The following MED12L variants were observed in gnomAD, a reference collection of about 807,000 sequenced individuals.
MED12L encodes mediator of RNA polymerase II transcription subunit 12-like protein.
Under a neutral mutation model 281.3 loss-of-function variants are expected in MED12L, and 60 were observed. The observed-to-expected ratio is 0.21, with a 90% CI of 0.17 to 0.26. The LOEUF is 0.26. Among genes scored for constraint, MED12L ranks in the 10% least tolerant of loss-of-function variants. MED12L has a pLI of 1.00. For synonymous variants in MED12L, 974 were observed against 987.2 expected (o/e 0.99, Z 0.25); for missense variants, 2,146 against 2,680.9 (o/e 0.80, Z 4.41).
In MED12L at chr3:151,365,937, T is replaced by A; in HGVS notation, c.3273T>A (p.Leu1091=). ...AATGGCTGGGGGTTCTGAAGGCTCT[T>A]TGTTGTTCTTCAAATCACGTGTGGG... is the stretch of plus-strand genomic sequence containing the variant. ...SSEWLGVLKA[L]CCSSNHVWGF... The change falls in exon 23 of 45, where the codon CTT becomes CTA. Residue 1091 remains leucine (L), a synonymous_variant. Coordinates refer to ENST00000687756, the MANE Select transcript of MED12L (RefSeq NM_001393769.1). 1 of 1,613,498 alleles carries A rather than the reference T, an allele frequency of 6.2e-7. No homozygotes were observed. The highest frequency in any genetic ancestry group is 8.5e-7 in the Non-Finnish European group (1 of 1,179,562).
intron 5 of MED12L, among the ~76,000 whole-genome samples, chr3:151,155,926 C>CT (rs531032213): frequency 6.6e-5 from 10 of 152,336 alleles, no homozygotes; most frequent in African/African-American, 2.4e-4. Flanking sequence ...CTGCCTGTTT[C>CT]TCCGAGAGCT....
chr3:151,392,012 T>C (rs1302757652), intron 38 of MED12L, among the ~76,000 whole-genome samples: 1 of 148,706 alleles, frequency 6.7e-6, no homozygotes, highest in Non-Finnish European at 1.5e-5. Context: ...AGAAGTTTGT[T>C]TGTAGATGTA....
chr3:151,361,855 G>A (rs377241929), intron 21 of MED12L, among the ~76,000 whole-genome samples: 18 of 152,152 alleles, frequency 1.2e-4, no homozygotes, highest in African/African-American at 2.9e-4. Context: ...CCTGTCATTC[G>A]TTGTATCTTA....
At chr3:151,167,384 T>A (rs982196775) in intron 11 of MED12L, among the ~76,000 whole-genome samples, 1 of 152,218 alleles carries the variant, frequency 6.6e-6, no homozygotes, top group African/African-American at 2.4e-5. Flanking sequence ...ACACCTTCAA[T>A]ACCTTAGTTA....
chr3:151,309,114 T>TACACACACACACACACACACAC (rs1553775101), intron 16 of MED12L, among the ~76,000 whole-genome samples: 18 of 138,064 alleles, frequency 1.3e-4, no homozygotes, highest in African/African-American at 5.6e-4. Context: ...TTTCATGAAA[T>TACACACACACACACACACACAC]ACACGCACAC....
chr3:151,338,217 G>A (rs755439126), intron 16 of MED12L: 10 of 1,613,880 alleles, frequency 6.2e-6, no homozygotes, highest in African/African-American at 1.3e-5. Context: ...TGTAATGAGT[G>A]TATAACATAC....
chr3:151,087,825 T>C (rs1719486023), intron 2 of MED12L, among the ~76,000 whole-genome samples: 1 of 152,198 alleles, frequency 6.6e-6, no homozygotes, highest in African/African-American at 2.4e-5. Context: ...AGTAATTATG[T>C]AACAAGTCTC....
intron 39 of MED12L, among the ~76,000 whole-genome samples, chr3:151,405,709 T>C (rs11717169): frequency 0.29 from 44,670 of 152,022 alleles, 7,492 homozygotes; most frequent in Non-Finnish European, 0.38. Context: ...TTAAAAAATA[T>C]GAAGTTAAAG....
chr3:151,410,371 C>T (rs924426475), intron 40 of MED12L, among the ~76,000 whole-genome samples: 1 of 152,196 alleles, frequency 6.6e-6, no homozygotes, highest in Non-Finnish European at 1.5e-5. Flanking sequence ...AAGAAAAGCC[C>T]ACATTGGCCT....
chr3:151,303,520 T>C (rs1374830211), intron 16 of MED12L, among the ~76,000 whole-genome samples: 1 of 152,152 alleles, frequency 6.6e-6, no homozygotes, highest in Non-Finnish European at 1.5e-5. Context: ...CCCAGCACTT[T>C]GGGAGGCCAT....
chr3:151,426,726 CTAAAGA>C (rs955621762), intron 43 of MED12L, among the ~76,000 whole-genome samples: 7 of 151,854 alleles, frequency 4.6e-5, no homozygotes, highest in Non-Finnish European at 7.4e-5. Context: ...TGTTTAGTAC[CTAAAGA>C]TAAACTTATG....
intron 16 of MED12L, among the ~76,000 whole-genome samples, chr3:151,205,076 A>G (rs1035506215): frequency 6.6e-6 from 1 of 152,194 alleles, no homozygotes; most frequent in Non-Finnish European, 1.5e-5. Context: ...GTGGAAGTTT[A>G]TTCACAGTGG....
intron 43 of MED12L, among the ~76,000 whole-genome samples, chr3:151,426,802 G>C (rs1251900909): frequency 1.4e-5 from 2 of 146,998 alleles, no homozygotes; most frequent in African/African-American, 5.0e-5. Context: ...AAAGTTATAT[G>C]AGAATGACAT....
chr3:151,095,130 A>G (rs1317046676), intron 2 of MED12L, among the ~76,000 whole-genome samples: 2 of 152,232 alleles, frequency 1.3e-5, no homozygotes, highest in Non-Finnish European at 2.9e-5. Flanking sequence ...GTGAAGTAGC[A>G]TTGTAAACTT....
chr3:151,388,798 C>T (rs945939055), intron 37 of MED12L, among the ~76,000 whole-genome samples: 1 of 152,128 alleles, frequency 6.6e-6, no homozygotes, highest in Non-Finnish European at 1.5e-5. Flanking sequence ...CAACAGAAAT[C>T]TATTTGATGG....
chr3:151,404,396 C>T lies in MED12L; in HGVS notation c.5821-4847C>T, dbSNP rs1340982729. ...ACTGTTCATTGATTCCCAACCAAGT[C>T]GTATTTGAGGTGAAAACTTTTAAAA... On this transcript the variant is annotated intron_variant, in intron 39 of 44. Transcript: ENST00000687756. Among the ~76,000 whole-genome samples, 9 of 152,260 alleles carry T rather than the reference C, an allele frequency of 5.9e-5. No homozygotes were observed. The East Asian group carries it at 7.7e-4, about 13-fold the overall frequency.
chr3:151,337,073 A>G (rs1751099390), intron 16 of MED12L: 1 of 152,118 alleles, frequency 6.6e-6, no homozygotes, highest in Non-Finnish European at 1.5e-5. Context: ...AAGTTGTAAA[A>G]AATTAGTAAA....
intron 16 of MED12L, chr3:151,278,482 A>T (rs1339948320): frequency 3.9e-5 from 6 of 152,126 alleles, no homozygotes; most frequent in African/African-American, 1.4e-4. Flanking sequence ...GAAGACTGGG[A>T]CGTGGAAACA....
intron 23 of MED12L, 141 bp downstream of exon 23, chr3:151,366,132 T>A: frequency 1.6e-6 from 1 of 643,938 alleles, no homozygotes; most frequent in Non-Finnish European, 2.3e-6. Context: ...CCAAAAGCAG[T>A]AAACCACAAT....
Sources: gnomAD v4.1 joint callset for allele counts (sites outside exome capture counted in the v4.1 genomes callset) on GRCh38, gnomAD v4.1.1 for gene constraint, MANE v1.5 for transcripts, NCBI Gene and HGNC (gene_info 2026-07-23, HGNC 2026-07-21) for gene names.